SEC14L1: variants seen among roughly 807,000 people sequenced by gnomAD.
SEC14L1 encodes SEC14 like lipid binding 1.
SEC14L1 carries 48 observed loss-of-function variants against 85.3 expected under a neutral mutation model. That is an observed-to-expected ratio of 0.56 (90% confidence interval 0.45 to 0.72). SEC14L1 has a LOEUF of 0.72. SEC14L1 is among the 30% of genes least tolerant of loss of function. The pLI is 0.00. For missense variants in SEC14L1, 682 were observed against 921.4 expected (o/e 0.74, Z 3.36); for synonymous variants, 391 against 355.5 (o/e 1.10, Z -1.12).
intron 3 of SEC14L1, among the ~76,000 whole-genome samples, chr17:77,129,072 AC>A (rs1198941916): frequency 6.6e-6 from 1 of 152,190 alleles, no homozygotes; most frequent in Non-Finnish European, 1.5e-5. Context: ...CTAAATATAG[AC>A]GATGTTGCTG....
At chr17:77,200,722 G>T in intron 9 of SEC14L1, 49 bp downstream of exon 9, 3 of 1,554,660 alleles carry the variant, frequency 1.9e-6, no homozygotes, top group Non-Finnish European at 2.6e-6. Flanking sequence ...TTGATGTGTG[G>T]TTGAAGATAT....
chr17:77,205,210 T>TA, intron 10 of SEC14L1, 66 bp from the exon 11 acceptor site: 1 of 1,384,224 alleles, frequency 7.2e-7, no homozygotes, highest in South Asian at 1.2e-5. Context: ...CCCTCTTCCA[T>TA]AGCTGGACGC....
intron 9 of SEC14L1, among the ~76,000 whole-genome samples, chr17:77,201,285 G>A (rs1976127552): frequency 6.6e-6 from 1 of 152,132 alleles, no homozygotes; most frequent in South Asian, 2.1e-4. Context: ...TTTGAGAGCC[G>A]GGCAGGATGG....
chr17:77,111,432 GC>G (rs1567873369), intron 3 of SEC14L1, among the ~76,000 whole-genome samples: 2 of 148,186 alleles, frequency 1.3e-5, no homozygotes, highest in East Asian at 4.0e-4. Context: ...TCGCTTTGTC[GC>G]CCAGGTTGGA....
At chr17:77,178,643 A>G (rs1374434618) in intron 3 of SEC14L1, among the ~76,000 whole-genome samples, 1 of 152,192 alleles carries the variant, frequency 6.6e-6, no homozygotes, top group Non-Finnish European at 1.5e-5. Flanking sequence ...TCAGATCATC[A>G]GGCATTGGAT....
At chr17:77,179,888 G>A (rs1175506123) in intron 3 of SEC14L1, among the ~76,000 whole-genome samples, 5 of 151,940 alleles carry the variant, frequency 3.3e-5, no homozygotes, top group African/African-American at 7.2e-5. Flanking sequence ...TGTGTTAGCC[G>A]GGATGGTCTT....
chr17:77,134,896 A>G (rs1972743827), intron 3 of SEC14L1, among the ~76,000 whole-genome samples: 1 of 152,176 alleles, frequency 6.6e-6, no homozygotes, highest in South Asian at 2.1e-4. Flanking sequence ...GTCCAGCTGC[A>G]AACAATTCTT....
intron 3 of SEC14L1, among the ~76,000 whole-genome samples, chr17:77,151,676 G>A (rs1973562942): frequency 6.6e-6 from 1 of 152,074 alleles, no homozygotes; most frequent in Non-Finnish European, 1.5e-5. Context: ...TATAATAAAT[G>A]CCATTTACCC....
chr17:77,119,263 G>A (rs865797090), intron 3 of SEC14L1, among the ~76,000 whole-genome samples: 5 of 149,832 alleles, frequency 3.3e-5, no homozygotes, highest in East Asian at 2.0e-4. Flanking sequence ...AGCCGAGATT[G>A]CGCCACTGCA....
chr17:77,120,066 A>G (rs1009581041), intron 3 of SEC14L1, among the ~76,000 whole-genome samples: 2 of 152,108 alleles, frequency 1.3e-5, no homozygotes, highest in African/African-American at 4.8e-5. Flanking sequence ...ACTGACAAAC[A>G]TCGTCTTAAA....
chr17:77,090,474 G>T (rs921242185), intron 2 of SEC14L1, among the ~76,000 whole-genome samples: 3 of 141,836 alleles, frequency 2.1e-5, no homozygotes, highest in Non-Finnish European at 3.0e-5. Flanking sequence ...GGGCAACATA[G>T]TAAGACCTCA....
rs1598417955 is a variant in SEC14L1 at position 77,216,784 on chromosome 17, T to G, written c.*2761T>G. The G allele has an allele frequency of 1.4e-6, 1 of 724,448 alleles. No homozygotes were observed. Among genetic ancestry groups the G allele is most frequent in the South Asian group, 2.0e-5 (1 of 51,174 alleles). The allele number at this position is 724,448 out of a possible 1,614,324, so 44.9% of individuals were successfully genotyped here. A position where few individuals can be genotyped will look rare whatever the true frequency, so the allele number is the denominator to read the frequency against. On this transcript the variant is annotated 3_prime_UTR_variant, in exon 17 of 17. Transcript: ENST00000436233. ...AATGCTTACAGGGTTTCCTCCCGAGTAATCCAATCTCACTCCCCTTGTAAG... is the reference window on the plus strand; with the variant it reads ...AATGCTTACAGGGTTTCCTCCCGAGGAATCCAATCTCACTCCCCTTGTAAG...
chr17:77,128,379 C>A (rs1972510438), intron 3 of SEC14L1, among the ~76,000 whole-genome samples: 1 of 125,902 alleles, frequency 7.9e-6, no homozygotes. Flanking sequence ...GTTATGCATT[C>A]ACACTTGAGC....
At position 77,214,324 on chromosome 17, in the gene SEC14L1, G is replaced by C; in HGVS notation, c.*301G>C. The C allele has an allele frequency of 8.9e-7, 1 of 1,122,578 alleles. No homozygotes were observed. Among genetic ancestry groups the C allele is most frequent in the East Asian group, 5.6e-5 (1 of 17,890 alleles). The allele number at this position is 1,122,578 out of a possible 1,614,324, so 69.5% of individuals were successfully genotyped here. ...TCTGTACCAATTAAAGGATTGACGT[G>C]GTCTCAGATATTGATGCAAAAAATT... On this transcript the variant is annotated 3_prime_UTR_variant, in exon 17 of 17. Coordinates refer to ENST00000436233, the MANE Select transcript of SEC14L1 (RefSeq NM_001143998.2).
intron 3 of SEC14L1, among the ~76,000 whole-genome samples, chr17:77,134,713 C>A (rs759980720): frequency 6.6e-6 from 1 of 151,966 alleles, no homozygotes; most frequent in Non-Finnish European, 1.5e-5. Flanking sequence ...CCTGGGTGAC[C>A]GAGCAAAACT....
In SEC14L1 at chr17:77,215,935, G is replaced by C; in HGVS notation, c.*1912G>C. 2 of 971,868 alleles carry C rather than the reference G, an allele frequency of 2.1e-6. No individual in the cohort carries two copies. The highest frequency in any genetic ancestry group is 2.4e-6 in the Non-Finnish European group (2 of 824,444). The allele number at this position is 971,868 out of a possible 1,614,324, so 60.2% of individuals were successfully genotyped here. ...GTAGGGTTAGTAGGTAGGGTTCGTA[G>C]GTAGGGTTCGTAGGTAGGGTTAGGT... On this transcript the variant is annotated 3_prime_UTR_variant, in exon 17 of 17. Coordinates refer to ENST00000436233, the MANE Select transcript of SEC14L1 (RefSeq NM_001143998.2).
chr17:77,113,707 C>A (rs1050076167), intron 3 of SEC14L1, among the ~76,000 whole-genome samples: 4 of 152,136 alleles, frequency 2.6e-5, no homozygotes, highest in Non-Finnish European at 4.4e-5. Flanking sequence ...AATTGCGCCA[C>A]TGCACTCCAG....
At chr17:77,098,194 C>T (rs750238063) in intron 3 of SEC14L1, among the ~76,000 whole-genome samples, 8 of 152,102 alleles carry the variant, frequency 5.3e-5, no homozygotes, top group African/African-American at 1.2e-4. Flanking sequence ...TGGTAGTTTA[C>T]GTTAGAAGTA....
chr17:77,177,306 A>T (rs1221632796), intron 3 of SEC14L1, among the ~76,000 whole-genome samples: 2 of 151,428 alleles, frequency 1.3e-5, no homozygotes, highest in Admixed American at 1.3e-4. Context: ...GAGATCGTTC[A>T]GAAATGTAAC....
Sources: allele counts gnomAD v4.1 joint callset (sites outside exome capture counted in the v4.1 genomes callset), GRCh38; gene constraint gnomAD v4.1.1; transcripts MANE v1.5; gene names NCBI Gene and HGNC (gene_info 2026-07-23, HGNC 2026-07-21).